The following STS variants were observed in gnomAD, a reference collection of about 807,000 sequenced individuals.
The protein encoded by STS is steroid sulfatase.
In STS, 7 loss-of-function variants were observed where a neutral mutation model predicts 26.8. The observed-to-expected ratio is 0.26, with a 90% CI of 0.15 to 0.49. The LOEUF (loss-of-function observed/expected upper bound fraction) is 0.49. Ranked by LOEUF, STS falls within the 20% of genes least tolerant of loss-of-function variation. The probability of loss-of-function intolerance (pLI) is 0.98; values close to 1 mark genes in which losing one functional copy is unlikely to be tolerated. For missense variants in STS, 434 were observed against 465.6 expected, an observed-to-expected ratio of 0.93 and a Z score of 0.63; for synonymous variants, 199 against 189.4, an observed-to-expected ratio of 1.05 and a Z score of -0.42.
At chrX:7,152,922 A>G (rs1383126014) in intron 1 of STS, among the ~76,000 whole-genome samples, 1 of 112,612 alleles carries the variant, frequency 8.9e-6, no homozygotes, top group Non-Finnish European at 1.9e-5. Flanking sequence ...TTCACTAATG[A>G]TTACAGATCA....
intron 2 of STS, among the ~76,000 whole-genome samples, chrX:7,194,153 A>C (rs1933928640): frequency 9.0e-6 from 1 of 110,589 alleles, no homozygotes; most frequent in African/African-American, 3.3e-5. Context: ...GGAGGCTGGG[A>C]TTTTTAAGGA....
intron 2 of STS, among the ~76,000 whole-genome samples, chrX:7,207,981 G>A (rs1920962266): frequency 8.9e-6 from 1 of 112,123 alleles, no homozygotes. Context: ...CTCCTGGTTT[G>A]CAGGACAGCA....
At chrX:7,340,792 A>G (rs1569232142) in intron 10 of STS, among the ~76,000 whole-genome samples, 1 of 112,309 alleles carries the variant, frequency 8.9e-6, no homozygotes, top group Non-Finnish European at 1.9e-5. Context: ...CACCTCCTGT[A>G]GAATGTGACA....
intron 1 of STS, among the ~76,000 whole-genome samples, chrX:7,172,499 C>T (rs1933486025): frequency 9.0e-6 from 1 of 111,416 alleles, no homozygotes; most frequent in African/African-American, 3.3e-5. Context: ...CTCTTATAGG[C>T]AAGTCAACAC....
chrX:7,199,723 A>C (rs1276959455), intron 2 of STS, among the ~76,000 whole-genome samples: 1 of 111,418 alleles, frequency 9.0e-6, no homozygotes, highest in Non-Finnish European at 1.9e-5. Flanking sequence ...GTACATAGCC[A>C]ATATAATATA....
At chrX:7,197,006 C>G (rs983309248) in intron 2 of STS, among the ~76,000 whole-genome samples, 2 of 110,932 alleles carry the variant, frequency 1.8e-5, no homozygotes, top group African/African-American at 6.6e-5. Flanking sequence ...ACCTTTCTTC[C>G]TACTCTCAGG....
chrX:7,158,521 G>A (rs1933179174), intron 1 of STS, among the ~76,000 whole-genome samples: 1 of 111,676 alleles, frequency 9.0e-6, no homozygotes, highest in Admixed American at 9.5e-5. Flanking sequence ...ATCTTCACAT[G>A]ACAGGACCAG....
chrX:7,243,062 A>G (rs894031654), intron 2 of STS, among the ~76,000 whole-genome samples: 4 of 111,377 alleles, frequency 3.6e-5, no homozygotes, highest in Non-Finnish European at 5.7e-5. Context: ...TATTTTGGAA[A>G]CCTCTTTTGG....
intron 7 of STS, among the ~76,000 whole-genome samples, chrX:7,298,837 G>T (rs937070232): frequency 1.9e-5 from 2 of 107,816 alleles, no homozygotes; most frequent in Non-Finnish European, 3.8e-5. Context: ...GAGACTTTAG[G>T]GTACCATTGT....
intron 10 of STS, among the ~76,000 whole-genome samples, chrX:7,349,580 A>G (rs889536205): frequency 9.2e-6 from 1 of 108,115 alleles, no homozygotes; most frequent in Non-Finnish European, 1.9e-5. Flanking sequence ...CAAGTGGTCT[A>G]TCTGTCTCGG....
In STS at chrX:7,318,850, A is replaced by G. The variant is rs768318778; in HGVS notation, c.1082-6489A>G. ...TGTGCATCTTACCTGAGCAGGGGTAAGCTACTTCTTTGCACCCAAGCAGAA... is the reference window on the plus strand; with the variant it reads ...TGTGCATCTTACCTGAGCAGGGGTAGGCTACTTCTTTGCACCCAAGCAGAA... On this transcript the variant is annotated intron_variant, in intron 8 of 10. Transcript: ENST00000674429. Among the ~76,000 whole-genome samples, 207 of 111,190 alleles carry G rather than the reference A, an allele frequency of 1.9e-3. 1 individual carries two copies. Among genetic ancestry groups the G allele is most frequent in the Non-Finnish European group, 3.1e-3 (162 of 53,072 alleles).
At chrX:7,216,589 A>T (rs1921321768) in intron 2 of STS, among the ~76,000 whole-genome samples, 1 of 111,875 alleles carries the variant, frequency 8.9e-6, no homozygotes, top group South Asian at 3.7e-4. Flanking sequence ...GCCTGATTAG[A>T]CAGTAGATGA....
chrX:7,166,278 G>C (rs1170868557), intron 1 of STS, among the ~76,000 whole-genome samples: 1 of 111,252 alleles, frequency 9.0e-6, no homozygotes, highest in Non-Finnish European at 1.9e-5. Flanking sequence ...AAAGTGCTGG[G>C]ATTACAGGCA....
chrX:7,342,054 C>T (rs760966280), intron 10 of STS, among the ~76,000 whole-genome samples: 1 of 110,933 alleles, frequency 9.0e-6, no homozygotes, highest in Non-Finnish European at 1.9e-5. Context: ...TCAGGTGATC[C>T]ACCCCGCCTC....
chrX:7,310,782 C>T (rs941717688), intron 8 of STS, among the ~76,000 whole-genome samples: 8 of 111,349 alleles, frequency 7.2e-5, no homozygotes, highest in African/African-American at 2.3e-4. Flanking sequence ...AAATCCAGGA[C>T]GTCATATGAC....
chrX:7,242,135 G>T (rs767548363), intron 2 of STS, among the ~76,000 whole-genome samples: 2 of 110,532 alleles, frequency 1.8e-5, no homozygotes, highest in African/African-American at 6.6e-5. Context: ...AAATCACTAG[G>T]TCCAGCCCAT....
At chrX:7,320,013 T>TTTATATATATTTATATATATTTATATA (rs1926919387) in intron 8 of STS, among the ~76,000 whole-genome samples, 1 of 90,553 alleles carries the variant, frequency 1.1e-5, no homozygotes, top group Non-Finnish European at 2.1e-5. Context: ...TATATATATA[T>TTTATATATATTTATATATATTTATATA]TTATATATAT....
At chrX:7,340,619 AGATTAT>A (rs1928239271) in intron 10 of STS, among the ~76,000 whole-genome samples, 1 of 112,179 alleles carries the variant, frequency 8.9e-6, no homozygotes, top group East Asian at 2.8e-4. Flanking sequence ...TCATTAGAAG[AGATTAT>A]GATTATATTA....
At chrX:7,181,242 A>C (rs914617582) in intron 1 of STS, among the ~76,000 whole-genome samples, 2 of 112,615 alleles carry the variant, frequency 1.8e-5, no homozygotes, top group Non-Finnish European at 3.7e-5. Flanking sequence ...AAACCTGTAC[A>C]TGTATCCACT....
Sources: gnomAD v4.1 joint callset for allele counts (sites outside exome capture counted in the v4.1 genomes callset) on GRCh38, gnomAD v4.1.1 for gene constraint, MANE v1.5 for transcripts, NCBI Gene and HGNC (gene_info 2026-07-23, HGNC 2026-07-21) for gene names.